Variants in ZNF423 observed in about 807,000 individuals in gnomAD.
ZNF423 encodes the protein Ebf-associated zinc finger protein.
A neutral mutation model predicts 95.8 loss-of-function variants in ZNF423; 12 were observed. The observed-to-expected ratio is 0.13, with a 90% CI of 0.08 to 0.20. The LOEUF (loss-of-function observed/expected upper bound fraction) is 0.20. Ranked by LOEUF, ZNF423 falls within the 10% of genes least tolerant of loss-of-function variation. The probability of loss-of-function intolerance (pLI) is 1.00; values close to 1 mark genes in which losing one functional copy is unlikely to be tolerated. For synonymous variants in ZNF423, 749 were observed against 711.9 expected (o/e 1.05, Z -0.83); for missense variants, 1,316 against 1,737.1 (o/e 0.76, Z 4.31).
At chr16:49,690,996 T>C (rs1308583960) in intron 3 of ZNF423, among the ~76,000 whole-genome samples, 1 of 152,234 alleles carries the variant, frequency 6.6e-6, no homozygotes, top group East Asian at 1.9e-4. Flanking sequence ...CGGCAGCCCA[T>C]GGCTCCAGCC....
rs148228023 is a variant in ZNF423, at chr16:49,635,441, C to T, written c.3516+219G>A. On this transcript the variant is annotated intron_variant, in intron 4 of 7. Coordinates refer to ENST00000563137, the MANE Select transcript of ZNF423 (RefSeq NM_001379286.1). This position sits in a 1 kb window ranked among gnomAD's most constrained non-coding sequence, Gnocchi z 4.8. Reference sequence around the variant, plus strand: ...ATACATTAGCATTTGACAAATGAGACCCAGAGAGATAAATAACATGAGCCC... The same window carrying T: ...ATACATTAGCATTTGACAAATGAGATCCAGAGAGATAAATAACATGAGCCC... Among the ~76,000 whole-genome samples the T allele has an allele frequency of 4.6e-3, 707 of 152,288 alleles. 3 individuals carry two copies. Among genetic ancestry groups the T allele is most frequent in the Middle Eastern group, 0.014 (4 of 294 alleles).
At chr16:49,649,078 A>G (rs1596788603) in intron 3 of ZNF423, among the ~76,000 whole-genome samples, 1 of 152,210 alleles carries the variant, frequency 6.6e-6, no homozygotes, top group Admixed American at 6.5e-5. Context: ...GGATGAAAGA[A>G]GTCTGTTGGA....
chr16:49,695,868 C>T (rs1243249544), intron 3 of ZNF423, among the ~76,000 whole-genome samples: 1 of 152,242 alleles, frequency 6.6e-6, no homozygotes, highest in Non-Finnish European at 1.5e-5. Flanking sequence ...TCTGTGCCAG[C>T]CACACTCCAA....
chr16:49,696,767 C>T (rs966196572), intron 3 of ZNF423, among the ~76,000 whole-genome samples: 1 of 152,176 alleles, frequency 6.6e-6, no homozygotes, highest in Non-Finnish European at 1.5e-5. Flanking sequence ...GCAAGCCCCC[C>T]CCACCCAGGG....
intron 3 of ZNF423, among the ~76,000 whole-genome samples, chr16:49,704,365 C>G (rs1046704147): frequency 6.6e-6 from 1 of 152,194 alleles, no homozygotes; most frequent in African/African-American, 2.4e-5. Flanking sequence ...GTCCTACCCA[C>G]AGGGCTCTGA....
chr16:49,833,296 T>C (rs1365447419), intron 1 of ZNF423, among the ~76,000 whole-genome samples: 1 of 152,232 alleles, frequency 6.6e-6, no homozygotes, highest in Non-Finnish European at 1.5e-5. Context: ...CCAAACAGGA[T>C]GGATTTACGT....
intron 1 of ZNF423, among the ~76,000 whole-genome samples, chr16:49,800,108 T>C (rs949727046): frequency 1.3e-5 from 2 of 152,126 alleles, no homozygotes; most frequent in Admixed American, 6.5e-5. Context: ...GCTGGGCATA[T>C]GGATGCACAC....
At chr16:49,505,028 G>A (rs941311394) in intron 7 of ZNF423, among the ~76,000 whole-genome samples, 1 of 152,142 alleles carries the variant, frequency 6.6e-6, no homozygotes, top group Non-Finnish European at 1.5e-5. Context: ...TGAGCACAGG[G>A]CACACCTACA....
At chr16:49,586,163 A>G (rs1159849653) in intron 5 of ZNF423, among the ~76,000 whole-genome samples, 1 of 152,080 alleles carries the variant, frequency 6.6e-6, no homozygotes, top group East Asian at 1.9e-4. Context: ...TCTTATTATT[A>G]CATAAGAATT....
intron 1 of ZNF423, among the ~76,000 whole-genome samples, chr16:49,830,263 C>T (rs1017944846): frequency 8.5e-5 from 13 of 152,056 alleles, no homozygotes; most frequent in Non-Finnish European, 1.6e-4. Context: ...GAGGAAAGAA[C>T]GGCACAGTCC....
chr16:49,585,429 ACAGC>A (rs1431204791), intron 5 of ZNF423, among the ~76,000 whole-genome samples: 1 of 152,196 alleles, frequency 6.6e-6, no homozygotes, highest in East Asian at 1.9e-4. Flanking sequence ...TAGCCGCTGT[ACAGC>A]CAGCCATTGT....
chr16:49,719,526 G>GT (rs1367177947), intron 3 of ZNF423, among the ~76,000 whole-genome samples: 1 of 152,210 alleles, frequency 6.6e-6, no homozygotes, highest in Non-Finnish European at 1.5e-5. Flanking sequence ...ATGTGGAATT[G>GT]TAATTCCCAG....
At chr16:49,741,546 C>G (rs118075801) in intron 2 of ZNF423, among the ~76,000 whole-genome samples, 1,612 of 152,090 alleles carry the variant, frequency 0.011, 9 homozygotes, top group Middle Eastern at 0.034. Context: ...ATCCACCGTT[C>G]TCTATAAAAT....
intron 7 of ZNF423, among the ~76,000 whole-genome samples, chr16:49,497,000 C>T (rs1386679830): frequency 6.6e-6 from 1 of 152,164 alleles, no homozygotes; most frequent in African/African-American, 2.4e-5. Flanking sequence ...GATGGCTGAA[C>T]TTTGGATGGT....
chr16:49,520,758 C>T (rs1285165386), intron 7 of ZNF423, among the ~76,000 whole-genome samples: 2 of 152,222 alleles, frequency 1.3e-5, no homozygotes, highest in Non-Finnish European at 2.9e-5. Flanking sequence ...CCAGGGCCTT[C>T]CAGCCCCAGC....
In ZNF423 at chr16:49,626,163, C is replaced by T; in HGVS notation, c.3601+7G>A. On this transcript the variant is annotated splice_region_variant and intron_variant, in intron 5 of 7. Coordinates refer to ENST00000563137, the MANE Select transcript of ZNF423 (RefSeq NM_001379286.1). ...TCCAGCATGGCTGGGAGGAAATGCTCTCTTACCAATCATGTGGTTGGCAAC... is the reference window on the plus strand; with the variant it reads ...TCCAGCATGGCTGGGAGGAAATGCTTTCTTACCAATCATGTGGTTGGCAAC... 1 of 1,613,826 alleles carries T rather than the reference C, an allele frequency of 6.2e-7. No homozygotes were observed. Among genetic ancestry groups the T allele is most frequent in the Non-Finnish European group, 8.5e-7 (1 of 1,179,776 alleles).
intron 1 of ZNF423, among the ~76,000 whole-genome samples, chr16:49,807,626 C>T (rs1391712639): frequency 2.0e-5 from 3 of 152,176 alleles, no homozygotes; most frequent in Non-Finnish European, 2.9e-5. Flanking sequence ...GATGTGCTCC[C>T]GACTTGGCCC....
chr16:49,854,752 C>T (rs2035340107), intron 1 of ZNF423: 2 of 985,286 alleles, frequency 2.0e-6, no homozygotes, highest in Non-Finnish European at 1.2e-6. Flanking sequence ...TTCCCCGGGG[C>T]CTCTACTCTC....
intron 3 of ZNF423, among the ~76,000 whole-genome samples, chr16:49,729,053 G>A (rs1478258283): frequency 1.3e-5 from 2 of 152,174 alleles, no homozygotes; most frequent in Non-Finnish European, 2.9e-5. Flanking sequence ...ATTCTTAAAA[G>A]TGAGACTGAA....
Sources: allele counts gnomAD v4.1 joint callset (sites outside exome capture counted in the v4.1 genomes callset), GRCh38; gene constraint gnomAD v4.1.1; non-coding constraint Gnocchi (gnomAD v3.1); transcripts MANE v1.5; gene names NCBI Gene and HGNC (gene_info 2026-07-23, HGNC 2026-07-21).